The following NCKAP5 variants were observed in gnomAD, a reference collection of about 807,000 sequenced individuals.
NCKAP5 encodes NCK associated protein 5, also known as nck-associated protein 5.
A neutral mutation model predicts 167.0 loss-of-function variants in NCKAP5; 92 were observed. The ratio of observed to expected loss-of-function variants is 0.55; its 90% CI spans 0.47 to 0.66. The LOEUF (loss-of-function observed/expected upper bound fraction) is 0.66, where lower values mean the gene tolerates loss of function less well. Ranked by LOEUF, NCKAP5 falls within the 30% of genes least tolerant of loss-of-function variation. NCKAP5 has a pLI of 0.00. For synonymous variants in NCKAP5, 891 were observed against 877.4 expected (o/e 1.02, Z -0.27); for missense variants, 2,378 against 2,315.0 (o/e 1.03, Z -0.56).
chr2:133,225,305 G>A (rs1411645557), intron 4 of NCKAP5, among the ~76,000 whole-genome samples: 1 of 152,180 alleles, frequency 6.6e-6, no homozygotes, highest in Admixed American at 6.5e-5. Context: ...TGTGGGGAAA[G>A]GGGGTGACGA....
intron 4 of NCKAP5, among the ~76,000 whole-genome samples, chr2:133,248,332 G>A (rs1218609635): frequency 1.3e-5 from 2 of 152,178 alleles, no homozygotes; most frequent in Non-Finnish European, 2.9e-5. Flanking sequence ...TTCAGAAAGG[G>A]TTTCTTTTCT....
At chr2:133,208,690 T>C (rs2086071237) in intron 5 of NCKAP5, among the ~76,000 whole-genome samples, 1 of 152,210 alleles carries the variant, frequency 6.6e-6, no homozygotes, top group South Asian at 2.1e-4. Flanking sequence ...TGTATCAATA[T>C]TAGCTCATCA....
chr2:133,531,269 T>C (rs1685342557), intron 2 of NCKAP5, among the ~76,000 whole-genome samples: 1 of 152,190 alleles, frequency 6.6e-6, no homozygotes, highest in African/African-American at 2.4e-5. Context: ...GTTATTGCAT[T>C]AATAAATTAC....
chr2:133,257,942 G>A (rs906981091), intron 4 of NCKAP5, among the ~76,000 whole-genome samples: 4 of 152,160 alleles, frequency 2.6e-5, no homozygotes, highest in South Asian at 2.1e-4. Flanking sequence ...ACTGTAGGGT[G>A]TAGAGTCTCT....
intron 19 of NCKAP5, among the ~76,000 whole-genome samples, chr2:132,688,334 G>A (rs913426931): frequency 6.6e-6 from 1 of 152,078 alleles, no homozygotes; most frequent in Non-Finnish European, 1.5e-5. Flanking sequence ...ATTAAAAATT[G>A]TATAGAAAAC....
intron 5 of NCKAP5, among the ~76,000 whole-genome samples, chr2:133,147,551 G>A (rs1196507468): frequency 1.3e-5 from 2 of 152,114 alleles, no homozygotes; most frequent in Non-Finnish European, 2.9e-5. Context: ...TAATAAATTA[G>A]AGGTTATGTG....
At chr2:133,465,006 C>CT (rs11314518) in intron 3 of NCKAP5, among the ~76,000 whole-genome samples, 35 of 143,568 alleles carry the variant, frequency 2.4e-4, no homozygotes, top group East Asian at 1.0e-3. Context: ...ACTGCTTTTG[C>CT]TTTTTTTTTT....
At chr2:133,561,370 C>G (rs557822348) in intron 1 of NCKAP5, among the ~76,000 whole-genome samples, 1 of 152,210 alleles carries the variant, frequency 6.6e-6, no homozygotes, top group Admixed American at 6.5e-5. Context: ...ATTCAAGGCT[C>G]AAAGAATAAG....
chr2:132,690,356 C>A (rs975985414), intron 19 of NCKAP5, among the ~76,000 whole-genome samples: 1 of 152,188 alleles, frequency 6.6e-6, no homozygotes, highest in African/African-American at 2.4e-5. Context: ...AGATTCCAGC[C>A]ACCTGCAACC....
At chr2:132,913,859 T>A (rs1694651143) in intron 8 of NCKAP5, among the ~76,000 whole-genome samples, 2 of 152,198 alleles carry the variant, frequency 1.3e-5, no homozygotes, top group South Asian at 4.1e-4. Flanking sequence ...CTCTCTATCC[T>A]CTATTAGCAT....
At chr2:133,288,583 T>G (rs1423884552) in intron 4 of NCKAP5, among the ~76,000 whole-genome samples, 1 of 151,816 alleles carries the variant, frequency 6.6e-6, no homozygotes, top group African/African-American at 2.4e-5. Flanking sequence ...TTTTTTTTTT[T>G]GCAGCACACT....
At position 133,226,604 on chromosome 2, in the gene NCKAP5, A is replaced by AACACACACACACACACACAC. The variant is rs3051222; in HGVS notation, c.144-12845_144-12826dup. Among the ~76,000 whole-genome samples the AACACACACACACACACACAC allele has an allele frequency of 4.9e-4, 68 of 139,254 alleles. 1 individual carries two copies. Among genetic ancestry groups the AACACACACACACACACACAC allele is most frequent in the Non-Finnish European group, 6.6e-4 (43 of 65,088 alleles). 91.4% of individuals were successfully genotyped at this position (139,254 alleles called of 152,430 possible). Reference sequence around the variant, plus strand: ...TAAAAAAAGGGAAAATTTGAAGATAAACACACACACACACACACACACACA... The same window carrying AACACACACACACACACACAC: ...TAAAAAAAGGGAAAATTTGAAGATAAACACACACACACACACACACACACACACACACACACACACACACA... On this transcript the variant is annotated intron_variant, in intron 4 of 19. Coordinates refer to ENST00000409261, the MANE Select transcript of NCKAP5 (RefSeq NM_207363.3).
At chr2:133,590,728 T>C in the NCKAP5 span, among the ~76,000 whole-genome samples, 3 of 152,152 alleles carry the variant, frequency 2.0e-5, no homozygotes, top group Admixed American at 2.0e-4. Flanking sequence ...ACTTTATTAT[T>C]GTTCACAAGT....
chr2:133,633,971 A>G, the NCKAP5 span, among the ~76,000 whole-genome samples: 4 of 152,212 alleles, frequency 2.6e-5, no homozygotes, highest in Admixed American at 2.6e-4. Flanking sequence ...TGAGCAAAGA[A>G]TCGAGTTTAA....
chr2:133,304,770 G>A (rs778564459), intron 3 of NCKAP5, among the ~76,000 whole-genome samples: 4 of 152,214 alleles, frequency 2.6e-5, no homozygotes, highest in Non-Finnish European at 5.9e-5. Context: ...TGCAGATACA[G>A]TAATCATCAA....
At chr2:132,809,765 G>A (rs952384505) in intron 11 of NCKAP5, among the ~76,000 whole-genome samples, 1 of 152,156 alleles carries the variant, frequency 6.6e-6, no homozygotes, top group Non-Finnish European at 1.5e-5. Context: ...TACATTGAAT[G>A]TTAGTATTGA....
intron 11 of NCKAP5, among the ~76,000 whole-genome samples, chr2:132,819,627 G>T (rs1574323244): frequency 6.6e-6 from 1 of 151,992 alleles, no homozygotes; most frequent in East Asian, 1.9e-4. Flanking sequence ...GGATGAGTGA[G>T]AAATCCCACA....
intron 15 of NCKAP5, among the ~76,000 whole-genome samples, chr2:132,776,083 T>C (rs973200900): frequency 1.3e-5 from 2 of 152,236 alleles, no homozygotes; most frequent in Non-Finnish European, 2.9e-5. Flanking sequence ...ATTTCAGTTA[T>C]AGAACAGGCA....
intron 3 of NCKAP5, among the ~76,000 whole-genome samples, chr2:133,372,001 G>A (rs1685837731): frequency 6.6e-6 from 1 of 152,042 alleles, no homozygotes; most frequent in South Asian, 2.1e-4. Flanking sequence ...ATATAGTTTA[G>A]TAAGAAGTGC....
Sources: allele counts gnomAD v4.1 joint callset (sites outside exome capture counted in the v4.1 genomes callset), GRCh38; gene constraint gnomAD v4.1.1; transcripts MANE v1.5; gene names NCBI Gene and HGNC (gene_info 2026-07-23, HGNC 2026-07-21).